The following SUFU variants were observed in gnomAD, a reference collection of about 807,000 sequenced individuals.
SUFU encodes the protein SUFU negative regulator of hedgehog signaling, also known as suppressor of fused homolog.
SUFU carries 7 observed loss-of-function variants against 58.9 expected under a neutral mutation model. The observed-to-expected ratio is 0.12, with a 90% CI of 0.07 to 0.22. The LOEUF (loss-of-function observed/expected upper bound fraction) is 0.22. SUFU is among the 10% of genes least tolerant of loss of function. The probability of loss-of-function intolerance (pLI) is 1.00; values close to 1 mark genes in which losing one functional copy is unlikely to be tolerated. For missense variants in SUFU, 451 were observed against 641.3 expected (o/e 0.70, Z 3.20); for synonymous variants, 232 against 254.8 (o/e 0.91, Z 0.85).
At chr10:102,550,909 T>G (rs1481911991) in intron 3 of SUFU, among the ~76,000 whole-genome samples, 3 of 152,066 alleles carry the variant, frequency 2.0e-5, no homozygotes, top group Non-Finnish European at 4.4e-5. Context: ...ACCCAGCTAA[T>G]TTTTTTGTTT....
chr10:102,592,801 G>A, intron 4 of SUFU, 77 bp downstream of exon 4: 6 of 1,526,356 alleles, frequency 3.9e-6, no homozygotes, highest in Non-Finnish European at 5.4e-6. Flanking sequence ...TTGAGGAGGG[G>A]GAGTGAAGGG....
chr10:102,611,476 C>T (rs2135919573), intron 8 of SUFU, among the ~76,000 whole-genome samples: 1 of 152,332 alleles, frequency 6.6e-6, no homozygotes, highest in South Asian at 2.1e-4. Flanking sequence ...GGAGCTCTTT[C>T]AAGCCCCATC....
At chr10:102,527,037 C>T (rs1157668460) in intron 2 of SUFU, among the ~76,000 whole-genome samples, 2 of 144,410 alleles carry the variant, frequency 1.4e-5, no homozygotes, top group Non-Finnish European at 3.0e-5. Flanking sequence ...CGCTCTGTCG[C>T]CCAGGCTGGA....
At chr10:102,582,835 C>T (rs927278621) in intron 3 of SUFU, among the ~76,000 whole-genome samples, 8 of 152,176 alleles carry the variant, frequency 5.3e-5, no homozygotes, top group African/African-American at 1.9e-4. Flanking sequence ...CTACCCAGCC[C>T]TTACCTGGAA....
intron 8 of SUFU, among the ~76,000 whole-genome samples, chr10:102,608,999 A>C (rs10786695): frequency 0.45 from 68,987 of 152,066 alleles, 16,057 homozygotes; most frequent in East Asian, 0.68. Flanking sequence ...AGGAAAAGAT[A>C]GATATGTCTT....
intron 8 of SUFU, among the ~76,000 whole-genome samples, chr10:102,600,944 G>A (rs2063510288): frequency 6.6e-6 from 1 of 152,172 alleles, no homozygotes; most frequent in African/African-American, 2.4e-5. Flanking sequence ...GCAGCAGATG[G>A]CCACACCAGG....
chr10:102,610,114 C>T (rs1163261097), intron 8 of SUFU, among the ~76,000 whole-genome samples: 1 of 152,114 alleles, frequency 6.6e-6, no homozygotes, highest in Non-Finnish European at 1.5e-5. Context: ...CGGTGACTCA[C>T]ACCTGTAATC....
chr10:102,572,799 A>G (rs2063175926), intron 3 of SUFU: 1 of 818,384 alleles, frequency 1.2e-6, no homozygotes, highest in Admixed American at 1.7e-5. Flanking sequence ...AAGCATCGTA[A>G]TCAGGAGCCA....
chr10:102,583,064 G>T (rs1006508309), intron 3 of SUFU, among the ~76,000 whole-genome samples: 1 of 152,156 alleles, frequency 6.6e-6, no homozygotes, highest in Non-Finnish European at 1.5e-5. Context: ...GCTTCCCAGG[G>T]TGGGCGCAGG....
chr10:102,549,444 G>C (rs1454833239), intron 2 of SUFU, among the ~76,000 whole-genome samples: 4 of 152,296 alleles, frequency 2.6e-5, no homozygotes, highest in African/African-American at 9.6e-5. Flanking sequence ...CTGTGATCCA[G>C]TTATCTCCCA....
intron 8 of SUFU, among the ~76,000 whole-genome samples, chr10:102,611,168 G>T (rs918828311): frequency 1.3e-5 from 2 of 152,190 alleles, no homozygotes; most frequent in South Asian, 2.1e-4. Context: ...ACCTTGTCAA[G>T]AATCTAGTTA....
Position 102,618,931 on chromosome 10 carries a change from C to CGCGCGTGTGTGT in SUFU, c.1296+1504_1296+1505insCGCGTGTGTGTG, listed in dbSNP as rs370307566. 1.5e-5 allele frequency: 8 copies of CGCGCGTGTGTGT among 535,024 alleles called. No homozygotes were observed. In the African/African-American group the frequency reaches 2.0e-4, roughly 13 times the overall value. 33.1% of individuals were successfully genotyped at this position (535,024 alleles called of 1,614,324 possible). A position where few individuals can be genotyped will look rare whatever the true frequency, so the allele number is the denominator to read the frequency against. ...ATCATTCCCAAGTGTCCTCAGGTAG[C>CGCGCGTGTGTGT]GTGTGTGTGTGTGTGTGTGTGTGTG... On this transcript the variant is annotated intron_variant, in intron 10 of 11. Transcript: ENST00000369902.
At position 102,619,428 on chromosome 10, in the gene SUFU, T is replaced by G; in HGVS notation, c.1296+2000T>G. On this transcript the variant is annotated intron_variant, in intron 10 of 11. Transcript: ENST00000369902. The surrounding 1 kb of genome is among the most constrained non-coding windows in gnomAD (Gnocchi z 4.2). ...TGGGAACGAGCTGCTGGCCTCGGCA[T>G]GTTTCAATAAAGTTGCTGTGCTGGG... 3.7e-6 allele frequency: 5 copies of G among 1,333,658 alleles called. No individual in the cohort carries two copies. The highest frequency in any genetic ancestry group is 4.8e-6 in the Non-Finnish European group (5 of 1,036,460). The allele number at this position is 1,333,658 out of a possible 1,614,324, so 82.6% of individuals were successfully genotyped here.
intron 3 of SUFU, among the ~76,000 whole-genome samples, chr10:102,577,376 C>T (rs1441067058): frequency 6.6e-6 from 1 of 151,664 alleles, no homozygotes; most frequent in Non-Finnish European, 1.5e-5. Context: ...TGGAGTCTCA[C>T]GTCTTACTCT....
chr10:102,613,929 C>G (rs1357221398), intron 8 of SUFU, among the ~76,000 whole-genome samples: 1 of 152,216 alleles, frequency 6.6e-6, no homozygotes, highest in Non-Finnish European at 1.5e-5. Flanking sequence ...CTGGTACAGG[C>G]TCCTGGGGCC....
chr10:102,550,122 T>G lies in SUFU; in HGVS notation c.454+16T>G, dbSNP rs1478587212. The G allele has an allele frequency of 6.2e-7, 1 of 1,614,150 alleles. No homozygotes were observed. Among genetic ancestry groups the G allele is most frequent in the East Asian group, 2.2e-5 (1 of 44,880 alleles). On this transcript the variant is annotated intron_variant, in intron 3 of 11. Coordinates refer to ENST00000369902, the MANE Select transcript of SUFU (RefSeq NM_016169.4). ...TTCCAGTCAGGTAGGAGGCCAGGGC[T>G]GGCTGCTGTGCTGGTCCTTTTGCCA...
intron 8 of SUFU, among the ~76,000 whole-genome samples, 189 bp downstream of exon 8, chr10:102,599,733 G>T (rs1460883312): frequency 1.3e-5 from 2 of 152,242 alleles, no homozygotes; most frequent in Non-Finnish European, 2.9e-5. Flanking sequence ...GAGGGCCTCA[G>T]AGGGGACCCA....
In SUFU at chr10:102,619,592, G is replaced by A; in HGVS notation, c.1296+2164G>A. On this transcript the variant is annotated intron_variant, in intron 10 of 11. Transcript: ENST00000369902. The surrounding 1 kb of genome is among the most constrained non-coding windows in gnomAD (Gnocchi z 4.2). The stretch of plus-strand genomic sequence containing the variant: ...CCCTTGATCACCGAGGGGTTTCTCA[G>A]GCCCTTTCCAAGGAGCCCTGGGAAA... 1 of 831,876 alleles carries A rather than the reference G, an allele frequency of 1.2e-6. No homozygotes were observed. 51.5% of individuals were successfully genotyped at this position (831,876 alleles called of 1,614,324 possible). A position where few individuals can be genotyped will look rare whatever the true frequency, so the allele number is the denominator to read the frequency against.
At chr10:102,513,622 A>T (rs2062427956) in intron 2 of SUFU, among the ~76,000 whole-genome samples, 1 of 152,210 alleles carries the variant, frequency 6.6e-6, no homozygotes, top group Admixed American at 6.5e-5. Flanking sequence ...AGAGGGAGTA[A>T]CTTCTAGTGA....
Sources: allele counts gnomAD v4.1 joint callset (sites outside exome capture counted in the v4.1 genomes callset), GRCh38; gene constraint gnomAD v4.1.1; non-coding constraint Gnocchi (gnomAD v3.1); transcripts MANE v1.5; gene names NCBI Gene and HGNC (gene_info 2026-07-23, HGNC 2026-07-21).